Variants in KANK1 observed in about 807,000 individuals in gnomAD.
KANK1 encodes the protein KN motif and ankyrin repeat domains 1.
Under a neutral mutation model 106.2 loss-of-function variants are expected in KANK1, and 109 were observed. That is an observed-to-expected ratio of 1.03 (90% CI 0.88 to 1.20). KANK1 has a LOEUF of 1.20. Among genes scored for constraint, KANK1 ranks in the 50% most tolerant of loss-of-function variants. The pLI is 0.00. For synonymous variants in KANK1, 873 were observed against 652.2 expected (o/e 1.34, Z -5.16); for missense variants, 2,399 against 1,710.7 (o/e 1.40, Z -7.10).
intron 1 of KANK1, among the ~76,000 whole-genome samples, chr9:639,131 T>C (rs190759281): frequency 6.6e-6 from 1 of 152,232 alleles, no homozygotes; most frequent in African/African-American, 2.4e-5. Flanking sequence ...GAACACTTTG[T>C]TTCACTAGGC....
At chr9:557,557 A>G (rs1243884856) in intron 1 of KANK1, among the ~76,000 whole-genome samples, 2 of 152,216 alleles carry the variant, frequency 1.3e-5, no homozygotes, top group East Asian at 3.8e-4. Flanking sequence ...AATTCTTGGT[A>G]GGGGGCTATT....
intron 1 of KANK1, among the ~76,000 whole-genome samples, chr9:675,949 G>T (rs1164378447): frequency 6.6e-6 from 1 of 152,162 alleles, no homozygotes; most frequent in Non-Finnish European, 1.5e-5. Context: ...GACCATATAG[G>T]ATAACTTCCT....
chr9:474,091 T>C (rs1036258463), intron 3 of KANK1, among the ~76,000 whole-genome samples: 2 of 152,340 alleles, frequency 1.3e-5, no homozygotes, highest in African/African-American at 2.4e-5. Context: ...ATTTATAATA[T>C]TCATTGGCTT....
intron 3 of KANK1, among the ~76,000 whole-genome samples, chr9:493,028 CAAAAAAA>C (rs112780058): frequency 1.0e-5 from 1 of 98,542 alleles, no homozygotes; most frequent in Non-Finnish European, 2.5e-5. Flanking sequence ...AACTCCGTCT[CAAAAAAA>C]AAAAAAAAAA....
At chr9:578,712 C>G (rs1821253728) in intron 1 of KANK1, among the ~76,000 whole-genome samples, 1 of 152,178 alleles carries the variant, frequency 6.6e-6, no homozygotes, top group Non-Finnish European at 1.5e-5. Flanking sequence ...AAGTTGGACT[C>G]TTCTTTACCC....
intron 1 of KANK1, among the ~76,000 whole-genome samples, chr9:577,369 GAC>G (rs1327574855): frequency 6.6e-6 from 1 of 152,102 alleles, no homozygotes; most frequent in African/African-American, 2.4e-5. Context: ...CCTTTAGCTA[GAC>G]ACAGAGTGCT....
intron 6 of KANK1, 153 bp downstream of exon 6, chr9:732,770 C>G: frequency 1.3e-6 from 1 of 784,834 alleles, no homozygotes; most frequent in South Asian, 1.9e-5. Flanking sequence ...TATACAAGTG[C>G]AGAGTATTAC....
chr9:610,453 G>A (rs140019256), intron 1 of KANK1, among the ~76,000 whole-genome samples: 1 of 152,098 alleles, frequency 6.6e-6, no homozygotes, highest in African/African-American at 2.4e-5. Context: ...ATAAAGTACT[G>A]GTTTAGATAC....
chr9:568,299 C>T (rs926556068), intron 1 of KANK1, among the ~76,000 whole-genome samples: 6 of 152,148 alleles, frequency 3.9e-5, no homozygotes, highest in African/African-American at 1.4e-4. Flanking sequence ...ACATCATACC[C>T]AGTTTTCAAC....
intron 1 of KANK1, among the ~76,000 whole-genome samples, chr9:600,429 GGAAA>G (rs938469416): frequency 6.6e-6 from 1 of 151,682 alleles, no homozygotes; most frequent in South Asian, 2.1e-4. Context: ...TTAAATGCTT[GGAAA>G]GAAAGAAGAA....
chr9:745,579 AT>A lies in KANK1; in HGVS notation c.*349del, dbSNP rs1331903617. 1 of 170,470 alleles carries A rather than the reference AT, an allele frequency of 5.9e-6. No individual in the cohort carries two copies. Among genetic ancestry groups the A allele is most frequent in the East Asian group, 1.5e-4 (1 of 6,554 alleles). The allele number at this position is 170,470 out of a possible 1,614,324, so 10.6% of individuals were successfully genotyped here. A position where few individuals can be genotyped will look rare whatever the true frequency, so the allele number is the denominator to read the frequency against. ...CTGGTTCTCACTGAGACGTTTTAAGATTTTTCCACAAATATTTATATGTACT... is the reference window on the plus strand; with the variant it reads ...CTGGTTCTCACTGAGACGTTTTAAGATTTTCCACAAATATTTATATGTACT... On this transcript the variant is annotated 3_prime_UTR_variant, in exon 12 of 12. Transcript: ENST00000382297.
intron 1 of KANK1, among the ~76,000 whole-genome samples, chr9:651,784 T>C (rs1275486984): frequency 6.6e-6 from 1 of 152,232 alleles, no homozygotes; most frequent in African/African-American, 2.4e-5. Context: ...TCAAAAATTA[T>C]CTACAAATTT....
intron 1 of KANK1, among the ~76,000 whole-genome samples, chr9:559,564 C>A (rs901986245): frequency 3.3e-5 from 5 of 152,140 alleles, no homozygotes; most frequent in African/African-American, 1.2e-4. Context: ...GCTGTATAAA[C>A]CTTAAACCTC....
intron 1 of KANK1, among the ~76,000 whole-genome samples, chr9:656,768 T>C (rs1431484182): frequency 3.3e-5 from 5 of 152,114 alleles, no homozygotes; most frequent in Non-Finnish European, 7.4e-5. Flanking sequence ...GTCTCCTGTA[T>C]TAAAAAGGGA....
Position 624,620 on chromosome 9 carries a change from T to C in KANK1, c.-83-52270T>C, listed in dbSNP as rs147541142. 3.9e-3 allele frequency among the ~76,000 whole-genome samples: 593 copies of C among 151,976 alleles called. 6 individuals carry two copies. The highest frequency in any genetic ancestry group is 0.014 in the African/African-American group (561 of 41,432). ...GAGTTTGAGACCAGCCTGGCCAACATAGTGAAACCCCATCTCTACTAAAAA... is the reference window on the plus strand; with the variant it reads ...GAGTTTGAGACCAGCCTGGCCAACACAGTGAAACCCCATCTCTACTAAAAA... On this transcript the variant is annotated intron_variant, in intron 1 of 11. Transcript: ENST00000382297.
chr9:472,861 C>T (rs1291179224), intron 2 of KANK1, among the ~76,000 whole-genome samples: 1 of 152,178 alleles, frequency 6.6e-6, no homozygotes, highest in Non-Finnish European at 1.5e-5. Flanking sequence ...TCTTGGATTT[C>T]TGGCCCCAAT....
chr9:743,843 C>G (rs1836409348), intron 10 of KANK1, among the ~76,000 whole-genome samples: 1 of 152,210 alleles, frequency 6.6e-6, no homozygotes, highest in Admixed American at 6.5e-5. Context: ...GCCTGGGAGA[C>G]AAACCCTGTC....
Position 710,832 on chromosome 9 carries a change from C to T in KANK1, c.66C>T (p.Asp22=), listed in dbSNP as rs775781671. The change falls in exon 3 of 12, where the codon GAC becomes GAT. Residue 22 remains aspartate (D), a synonymous_variant. Transcript: ENST00000382297. The part of the protein sequence containing the change: ...SGKAGDILSG[D]QDKEQKDPYF... ...AAGCAGGTGATATTCTCAGTGGAGA[C>T]CAGGACAAGGAACAGAAAGACCCTT... The T allele has an allele frequency of 6.2e-7, 1 of 1,605,518 alleles. No individual in the cohort carries two copies. Among genetic ancestry groups the T allele is most frequent in the Non-Finnish European group, 8.5e-7 (1 of 1,176,888 alleles).
intron 1 of KANK1, among the ~76,000 whole-genome samples, chr9:562,042 C>CTTTTTTTTTTTT (rs34419752): frequency 1.9e-5 from 2 of 104,926 alleles, no homozygotes; most frequent in Admixed American, 1.3e-4. Flanking sequence ...ATTGCATTTT[C>CTTTTTTTTTTTT]TTTTTTTTTT....
Sources: allele counts gnomAD v4.1 joint callset (sites outside exome capture counted in the v4.1 genomes callset), GRCh38; gene constraint gnomAD v4.1.1; transcripts MANE v1.5; gene names NCBI Gene and HGNC (gene_info 2026-07-23, HGNC 2026-07-21).